Variants in ADGRL2 observed in about 807,000 individuals in gnomAD.
The protein encoded by ADGRL2 is adhesion G protein-coupled receptor L2.
A neutral mutation model predicts 157.4 loss-of-function variants in ADGRL2; 44 were observed. The observed-to-expected ratio is 0.28, with a 90% CI of 0.22 to 0.36. The LOEUF is 0.36. Ranked by LOEUF, ADGRL2 falls within the 10% of genes least tolerant of loss-of-function variation. ADGRL2 has a pLI of 1.00. For missense variants in ADGRL2, 1,510 were observed against 1,768.9 expected (o/e 0.85, Z 2.63); for synonymous variants, 585 against 624.7 (o/e 0.94, Z 0.95).
chr1:81,754,227 CTCTT>C (rs76662751), intron 1 of ADGRL2, among the ~76,000 whole-genome samples: 2 of 133,518 alleles, frequency 1.5e-5, no homozygotes, highest in Non-Finnish European at 3.2e-5. Context: ...CTTCCTCTCT[CTCTT>C]TCTTTCTTTC....
chr1:81,542,803 A>G (rs563849083), intron 2 of ADGRL2, among the ~76,000 whole-genome samples: 3 of 152,306 alleles, frequency 2.0e-5, no homozygotes, highest in East Asian at 1.9e-4. Context: ...ATAATGCAAC[A>G]ATGGATTATT....
intron 2 of ADGRL2, among the ~76,000 whole-genome samples, chr1:81,838,763 A>C (rs1296590154): frequency 1.3e-5 from 2 of 152,026 alleles, no homozygotes; most frequent in East Asian, 3.9e-4. Context: ...TAGCAAACAG[A>C]GAGTTTTTTC....
At chr1:81,844,850 G>T (rs1470185486) in intron 2 of ADGRL2, among the ~76,000 whole-genome samples, 1 of 152,024 alleles carries the variant, frequency 6.6e-6, no homozygotes, top group Non-Finnish European at 1.5e-5. Context: ...ACTCTCCTGA[G>T]TTTGACTTTT....
chr1:81,896,678 TAATA>T (rs777392166), intron 2 of ADGRL2, among the ~76,000 whole-genome samples: 39 of 152,154 alleles, frequency 2.6e-4, no homozygotes, highest in Non-Finnish European at 4.7e-4. Context: ...AGAATTATAG[TAATA>T]AATAAAGCAT....
At chr1:81,333,762 C>CAAAAA (rs35097540) in intron 1 of ADGRL2, among the ~76,000 whole-genome samples, 2 of 111,962 alleles carry the variant, frequency 1.8e-5, no homozygotes, top group Non-Finnish European at 1.8e-5. Context: ...GTTCCCTAAG[C>CAAAAA]AAAAAAAAAA....
intron 1 of ADGRL2, among the ~76,000 whole-genome samples, chr1:81,312,884 A>C (rs1334023243): frequency 1.3e-5 from 2 of 152,196 alleles, no homozygotes; most frequent in African/African-American, 4.8e-5. Context: ...TTTACAGAGA[A>C]AACATAATGA....
intron 2 of ADGRL2, among the ~76,000 whole-genome samples, chr1:81,530,422 C>G (rs915571699): frequency 1.3e-4 from 10 of 78,680 alleles, no homozygotes; most frequent in East Asian, 6.1e-4. Context: ...GCTCAGCTCA[C>G]TGCAACCTCC....
intron 1 of ADGRL2, among the ~76,000 whole-genome samples, chr1:81,376,996 T>G (rs2076261509): frequency 6.6e-6 from 1 of 152,104 alleles, no homozygotes; most frequent in African/African-American, 2.4e-5. Flanking sequence ...GAGCCCAGAC[T>G]GAGCCAAAAA....
At chr1:81,317,103 G>A (rs1202340626) in intron 1 of ADGRL2, among the ~76,000 whole-genome samples, 1 of 152,006 alleles carries the variant, frequency 6.6e-6, no homozygotes, top group Non-Finnish European at 1.5e-5. Flanking sequence ...ATTTGGGTTG[G>A]GGGTGGGAGG....
intron 2 of ADGRL2, among the ~76,000 whole-genome samples, chr1:81,489,349 G>A (rs11163310): frequency 0.15 from 22,199 of 151,990 alleles, 3,010 homozygotes; most frequent in African/African-American, 0.36. Flanking sequence ...GAGGAATTCA[G>A]AGGCACATTT....
intron 1 of ADGRL2, among the ~76,000 whole-genome samples, chr1:81,832,353 C>T (rs1390330911): frequency 2.0e-5 from 3 of 152,130 alleles, no homozygotes; most frequent in Non-Finnish European, 4.4e-5. Flanking sequence ...CCATGTTGGT[C>T]AGGCTGGTCT....
intron 21 of ADGRL2, 23 bp downstream of exon 21, chr1:81,985,378 G>A (rs761865068): frequency 3.0e-6 from 4 of 1,331,588 alleles, no homozygotes; most frequent in Non-Finnish European, 3.2e-6. Flanking sequence ...GAAAATTTGA[G>A]TTACTACCAT....
chr1:81,415,989 C>T (rs566382932), intron 1 of ADGRL2, among the ~76,000 whole-genome samples: 70 of 152,022 alleles, frequency 4.6e-4, no homozygotes, highest in African/African-American at 1.6e-3. Flanking sequence ...TACAGGCGCC[C>T]GCCACCATGC....
intron 2 of ADGRL2, among the ~76,000 whole-genome samples, chr1:81,855,724 C>G (rs945664378): frequency 2.6e-5 from 4 of 152,092 alleles, no homozygotes; most frequent in African/African-American, 9.7e-5. Flanking sequence ...CAAACAGACA[C>G]TGAGGGGGCA....
intron 3 of ADGRL2, among the ~76,000 whole-genome samples, chr1:81,613,482 G>A (rs529853157): frequency 3.0e-4 from 45 of 152,298 alleles, no homozygotes; most frequent in Non-Finnish European, 3.8e-4. Context: ...TGCTCTGAGC[G>A]TGCTGTTAGT....
At chr1:81,747,249 G>A (rs1457202485) in intron 1 of ADGRL2, among the ~76,000 whole-genome samples, 2 of 147,646 alleles carry the variant, frequency 1.4e-5, no homozygotes, top group Non-Finnish European at 3.0e-5. Flanking sequence ...ATATGTATAT[G>A]TGTGTATATA....
At chr1:81,677,600 T>C (rs1217082881) in intron 3 of ADGRL2, among the ~76,000 whole-genome samples, 1 of 152,192 alleles carries the variant, frequency 6.6e-6, no homozygotes, top group Non-Finnish European at 1.5e-5. Context: ...TCAAGGCCTG[T>C]CATTTCTATC....
At chr1:81,663,939 G>T (rs1407449197) in intron 3 of ADGRL2, among the ~76,000 whole-genome samples, 1 of 152,044 alleles carries the variant, frequency 6.6e-6, no homozygotes, top group African/African-American at 2.4e-5. Flanking sequence ...TTTTGAGGGG[G>T]AAGGATATCC....
At position 81,464,945 on chromosome 1, in the gene ADGRL2, A is replaced by AG. The variant is rs568101873; in HGVS notation, c.-248+19856_-248+19857insG. Among the ~76,000 whole-genome samples the AG allele has an allele frequency of 2.0e-5, 3 of 151,672 alleles. No individual in the cohort carries two copies. In the East Asian group the frequency reaches 5.8e-4, roughly 29 times the overall value. On this transcript the variant is annotated intron_variant, in intron 2 of 24. Transcript: ENST00000370721. ...TAGCCACCAGGGAGAAAAAAAAAAA[A>AG]AAGAAGAAGAAAAGAAAAAGGAATA... is the stretch of plus-strand genomic sequence containing the variant.
Sources: gnomAD v4.1 joint callset for allele counts (sites outside exome capture counted in the v4.1 genomes callset) on GRCh38, gnomAD v4.1.1 for gene constraint, MANE v1.5 for transcripts, NCBI Gene and HGNC (gene_info 2026-07-23, HGNC 2026-07-21) for gene names.